SAMMSON: variants seen among roughly 807,000 people sequenced by gnomAD.
SAMMSON encodes survival associated mitochondrial melanoma specific oncogenic non-coding RNA.
At chr3:69,999,954 C>G (rs1261629622) in intron 1 of SAMMSON, 4 of 152,254 alleles carry the variant, frequency 2.6e-5, no homozygotes, top group African/African-American at 9.7e-5. Flanking sequence ...TCTCGCTCCC[C>G]CATCACCGGA....
chr3:70,235,396 C>T (rs763814623), intron 4 of SAMMSON, among the ~76,000 whole-genome samples: 3 of 152,222 alleles, frequency 2.0e-5, no homozygotes, highest in Non-Finnish European at 4.4e-5. Context: ...CTTAATCCCT[C>T]ACAATTGGCT....
At chr3:70,214,738 G>C (rs956070831) in intron 4 of SAMMSON, among the ~76,000 whole-genome samples, 1 of 151,944 alleles carries the variant, frequency 6.6e-6, no homozygotes, top group African/African-American at 2.4e-5. Flanking sequence ...TGGTAACGAG[G>C]AACAATTGAC....
At chr3:70,046,434 C>T (rs895144328) in intron 3 of SAMMSON, among the ~76,000 whole-genome samples, 16 of 151,960 alleles carry the variant, frequency 1.1e-4, no homozygotes, top group African/African-American at 2.7e-4. Flanking sequence ...ATTTGCAATG[C>T]GGTACATGTA....
At chr3:70,127,559 A>G (rs1278167291) in intron 4 of SAMMSON, 1 of 152,234 alleles carries the variant, frequency 6.6e-6, no homozygotes, top group African/African-American at 2.4e-5. Context: ...ATTAACAAAT[A>G]TAAATGGAAG....
intron 2 of SAMMSON, among the ~76,000 whole-genome samples, chr3:70,412,969 A>T (rs773798553): frequency 6.6e-6 from 1 of 152,112 alleles, no homozygotes; most frequent in Non-Finnish European, 1.5e-5. Context: ...CTTCAACTAA[A>T]CAGTTATTTT....
At chr3:70,146,575 CAATT>C (rs2067550119) in intron 4 of SAMMSON, among the ~76,000 whole-genome samples, 1 of 151,934 alleles carries the variant, frequency 6.6e-6, no homozygotes, top group Non-Finnish European at 1.5e-5. Flanking sequence ...ATGAATATAT[CAATT>C]GATGCAGAAA....
At chr3:70,398,530 G>A (rs1263770087) in intron 2 of SAMMSON, among the ~76,000 whole-genome samples, 3 of 152,150 alleles carry the variant, frequency 2.0e-5, no homozygotes, top group Non-Finnish European at 4.4e-5. Context: ...ACATCTTTGT[G>A]TTCTTTAACT....
chr3:70,339,209 C>T (rs1477653205), intron 7 of SAMMSON, among the ~76,000 whole-genome samples: 1 of 152,092 alleles, frequency 6.6e-6, no homozygotes, highest in African/African-American at 2.4e-5. Context: ...ATGTAGAAAG[C>T]TGAAACTGGA....
intron 1 of SAMMSON, among the ~76,000 whole-genome samples, chr3:70,006,270 C>T (rs994966507): frequency 4.6e-5 from 7 of 152,214 alleles, no homozygotes; most frequent in Non-Finnish European, 1.0e-4. Flanking sequence ...AGCAGCTGTG[C>T]TCTCACACAT....
chr3:70,147,625 C>T (rs1293533887), intron 4 of SAMMSON, among the ~76,000 whole-genome samples: 1 of 152,006 alleles, frequency 6.6e-6, no homozygotes, highest in African/African-American at 2.4e-5. Flanking sequence ...AAACCTTGAC[C>T]TAATCTCATA....
At chr3:70,167,007 A>C (rs1468578995) in intron 4 of SAMMSON, among the ~76,000 whole-genome samples, 1 of 152,020 alleles carries the variant, frequency 6.6e-6, no homozygotes, top group Non-Finnish European at 1.5e-5. Flanking sequence ...AGTAATCTAA[A>C]ATTTTATAGT....
At chr3:70,092,040 G>C (rs1255917347) in intron 4 of SAMMSON, among the ~76,000 whole-genome samples, 1 of 152,006 alleles carries the variant, frequency 6.6e-6, no homozygotes, top group East Asian at 1.9e-4. Context: ...TATCCAAGAG[G>C]CATCTAGGAA....
intron 4 of SAMMSON, among the ~76,000 whole-genome samples, chr3:70,110,447 AG>A (rs1405349918): frequency 1.3e-5 from 2 of 152,138 alleles, no homozygotes; most frequent in East Asian, 1.9e-4. Context: ...ATAAGGATGT[AG>A]GGGGGTAGTG....
intron 3 of SAMMSON, among the ~76,000 whole-genome samples, chr3:70,052,311 C>A (rs982637232): frequency 6.6e-6 from 1 of 151,972 alleles, no homozygotes; most frequent in Non-Finnish European, 1.5e-5. Context: ...ACTGCAGTGT[C>A]AAAAAATATA....
intron 9 of SAMMSON, among the ~76,000 whole-genome samples, chr3:70,366,492 G>GTTTTTTTTTTTTTTTTTTTTTATTTTTT: frequency 9.9e-6 from 1 of 100,758 alleles, no homozygotes; most frequent in Non-Finnish European, 2.1e-5. Flanking sequence ...GTGTTTTTAT[G>GTTTTTTTTTTTTTTTTTTTTTATTTTTT]TTTTTTTTTT....
chr3:70,033,164 C>G (rs2107584358), intron 3 of SAMMSON, among the ~76,000 whole-genome samples: 2 of 152,234 alleles, frequency 1.3e-5, no homozygotes, highest in African/African-American at 4.8e-5. Context: ...TTTTCAAAGG[C>G]CCTAACATTG....
At chr3:70,285,001 T>C (rs1039530255) in intron 6 of SAMMSON, among the ~76,000 whole-genome samples, 51 of 152,134 alleles carry the variant, frequency 3.4e-4, no homozygotes, top group Non-Finnish European at 4.7e-4. Context: ...ATCACTGCAG[T>C]TCCAAATTAC....
At chr3:70,298,751 C>T (rs1387286306) in intron 7 of SAMMSON, among the ~76,000 whole-genome samples, 1 of 152,062 alleles carries the variant, frequency 6.6e-6, no homozygotes, top group Admixed American at 6.6e-5. Flanking sequence ...AGATGAGGGG[C>T]TCTTGGTTAG....
intron 4 of SAMMSON, among the ~76,000 whole-genome samples, chr3:70,210,397 C>G (rs1701331690): frequency 6.6e-6 from 1 of 152,048 alleles, no homozygotes; most frequent in South Asian, 2.1e-4. Flanking sequence ...ATCTGACATA[C>G]ACACATTTGA....
Sources: allele counts gnomAD v4.1 joint callset (sites outside exome capture counted in the v4.1 genomes callset), GRCh38; gene constraint gnomAD v4.1.1; transcripts MANE v1.5; gene names NCBI Gene and HGNC (gene_info 2026-07-23, HGNC 2026-07-21).